The following RORA variants were observed in gnomAD, a reference collection of about 807,000 sequenced individuals.
The protein encoded by RORA is RAR related orphan receptor A.
A neutral mutation model predicts 69.5 loss-of-function variants in RORA; 7 were observed. The ratio of observed to expected loss-of-function variants is 0.10; its 90% confidence interval spans 0.06 to 0.19. The LOEUF (loss-of-function observed/expected upper bound fraction) is 0.19. RORA is among the 10% of genes least tolerant of loss of function. The pLI is 1.00. For synonymous variants in RORA, 261 were observed against 240.8 expected (o/e 1.08, Z -0.78); for missense variants, 457 against 663.0 (o/e 0.69, Z 3.41).
intron 1 of RORA, among the ~76,000 whole-genome samples, chr15:60,795,800 T>C (rs996949101): frequency 6.6e-6 from 1 of 152,196 alleles, no homozygotes; most frequent in East Asian, 1.9e-4. Context: ...AGATGTGACA[T>C]GCCTTGTAGA....
chr15:61,124,645 A>G (rs2079128857), intron 1 of RORA, among the ~76,000 whole-genome samples: 2 of 152,174 alleles, frequency 1.3e-5, no homozygotes, highest in South Asian at 4.1e-4. Flanking sequence ...TTTTTTTCCC[A>G]GCATAACTTT....
intron 1 of RORA, among the ~76,000 whole-genome samples, chr15:61,067,252 C>T (rs777736107): frequency 9.9e-5 from 15 of 151,920 alleles, no homozygotes. Flanking sequence ...GCTAAGATTA[C>T]AGGCCCATGT....
intron 1 of RORA, among the ~76,000 whole-genome samples, chr15:60,832,703 T>G (rs2073057844): frequency 1.3e-5 from 2 of 152,182 alleles, no homozygotes; most frequent in South Asian, 4.1e-4. Flanking sequence ...TCATCAAAAT[T>G]TAAATATGCC....
intron 2 of RORA, among the ~76,000 whole-genome samples, chr15:60,562,426 G>A (rs954172252): frequency 3.7e-5 from 5 of 135,134 alleles, no homozygotes; most frequent in African/African-American, 6.6e-5. Flanking sequence ...TTTTTGAGGC[G>A]GGGTTGGGGG....
intron 1 of RORA, among the ~76,000 whole-genome samples, chr15:61,219,376 C>T (rs2080072351): frequency 6.6e-6 from 1 of 152,182 alleles, no homozygotes; most frequent in South Asian, 2.1e-4. Context: ...AGATCGAGAC[C>T]AACCTGGCGA....
chr15:60,805,191 C>G (rs988369194), intron 1 of RORA, among the ~76,000 whole-genome samples: 1 of 152,226 alleles, frequency 6.6e-6, no homozygotes, highest in Non-Finnish European at 1.5e-5. Context: ...TGACGCCACT[C>G]TCCTCTGACA....
At chr15:60,638,386 C>CT (rs375782514) in intron 2 of RORA, among the ~76,000 whole-genome samples, 6,993 of 117,856 alleles carry the variant, frequency 0.059, 397 homozygotes, top group Admixed American at 0.17. Context: ...ATTTTCTTTT[C>CT]TTTTTTTTTT....
intron 1 of RORA, among the ~76,000 whole-genome samples, chr15:60,978,961 CTTT>C (rs543353825): frequency 1.5e-4 from 14 of 95,142 alleles, no homozygotes; most frequent in Admixed American, 4.6e-4. Context: ...CAACTTTGCT[CTTT>C]TTTTTTTTTT....
At chr15:60,975,711 A>G (rs1490800135) in intron 1 of RORA, among the ~76,000 whole-genome samples, 1 of 152,202 alleles carries the variant, frequency 6.6e-6, no homozygotes, top group Admixed American at 6.5e-5. Flanking sequence ...CAGAGGATGA[A>G]GAGTGAATGA....
At chr15:60,931,178 G>A (rs1234335784) in intron 1 of RORA, among the ~76,000 whole-genome samples, 1 of 152,168 alleles carries the variant, frequency 6.6e-6, no homozygotes, top group African/African-American at 2.4e-5. Context: ...CAGCAGATAG[G>A]CTCCAGGTCC....
intron 2 of RORA, among the ~76,000 whole-genome samples, chr15:60,607,913 C>G (rs2068989377): frequency 6.6e-6 from 1 of 152,204 alleles, no homozygotes; most frequent in African/African-American, 2.4e-5. Context: ...GGTGAAGTGA[C>G]AGGTTTCTAA....
At chr15:61,223,361 A>G (rs2080117196) in intron 1 of RORA, among the ~76,000 whole-genome samples, 1 of 151,392 alleles carries the variant, frequency 6.6e-6, no homozygotes, top group Non-Finnish European at 1.5e-5. Flanking sequence ...CTTTAACTCC[A>G]AAGAAAGAAT....
chr15:60,817,230 C>T lies in RORA; in HGVS notation c.167-138544G>A, dbSNP rs537936542. ...GACCACGGCAATAAAGCAAATATCGCCATCAAGTCACACAATTTTTTTGGT... is the reference window on the plus strand; with the variant it reads ...GACCACGGCAATAAAGCAAATATCGTCATCAAGTCACACAATTTTTTTGGT... On this transcript the variant is annotated intron_variant, in intron 1 of 10. Coordinates refer to ENST00000335670, the MANE Select transcript of RORA (RefSeq NM_134261.3). Among the ~76,000 whole-genome samples, 14 of 152,246 alleles carry T rather than the reference C, an allele frequency of 9.2e-5. No homozygotes were observed. In the South Asian group the frequency reaches 1.9e-3, roughly 20 times the overall value.
At chr15:60,592,963 T>C in intron 2 of RORA, 1 of 454,940 alleles carries the variant, frequency 2.2e-6, no homozygotes, top group Admixed American at 2.4e-5. Context: ...CGCCAGCTCG[T>C]TGGTGGAAAA....
In RORA at chr15:60,867,713, A is replaced by T. The variant is rs543910885; in HGVS notation, c.167-189027T>A. On this transcript the variant is annotated intron_variant, in intron 1 of 10. Coordinates refer to ENST00000335670, the MANE Select transcript of RORA (RefSeq NM_134261.3). ...TTTTGTTGAGGCTACAGCTACCAGG[A>T]TCTCTTGATATTCTCTATATGAGAT... 2.0e-3 allele frequency among the ~76,000 whole-genome samples: 298 copies of T among 152,264 alleles called. 2 individuals are homozygous for T. The highest frequency in any genetic ancestry group is 3.9e-3 in the South Asian group (19 of 4,824).
intron 1 of RORA, among the ~76,000 whole-genome samples, chr15:60,863,971 T>A (rs986490283): frequency 3.3e-5 from 5 of 152,014 alleles, no homozygotes; most frequent in African/African-American, 1.2e-4. Context: ...TGTGCCCAGC[T>A]AGTTTTTGTA....
intron 1 of RORA, among the ~76,000 whole-genome samples, chr15:61,216,929 C>T (rs893924160): frequency 6.6e-6 from 1 of 152,168 alleles, no homozygotes; most frequent in Non-Finnish European, 1.5e-5. Flanking sequence ...TATTGTCTCC[C>T]AACACGTCCA....
intron 2 of RORA, among the ~76,000 whole-genome samples, chr15:60,586,976 T>C (rs911516341): frequency 6.6e-6 from 1 of 152,150 alleles, no homozygotes; most frequent in African/African-American, 2.4e-5. Context: ...TAAGCTGTCA[T>C]GAAAACAAAC....
chr15:61,181,513 G>A (rs1395320832), intron 1 of RORA: 2 of 152,130 alleles, frequency 1.3e-5, no homozygotes, highest in African/African-American at 4.8e-5. Context: ...GGGGGAAAAT[G>A]TGACAATCTG....
Sources: gnomAD v4.1 joint callset for allele counts (sites outside exome capture counted in the v4.1 genomes callset) on GRCh38, gnomAD v4.1.1 for gene constraint, MANE v1.5 for transcripts, NCBI Gene and HGNC (gene_info 2026-07-23, HGNC 2026-07-21) for gene names.